Variants in VRK2 observed in about 807,000 individuals in gnomAD.
VRK2 encodes VRK serine/threonine kinase 2.
Under a neutral mutation model 57.6 loss-of-function variants are expected in VRK2, and 60 were observed. The observed-to-expected ratio is 1.04, with a 90% CI of 0.85 to 1.29. The LOEUF (loss-of-function observed/expected upper bound fraction) is 1.29. VRK2 is among the 50% of genes most tolerant of loss of function. The pLI is 0.00. For synonymous variants in VRK2, 231 were observed against 199.2 expected (o/e 1.16, Z -1.35); for missense variants, 705 against 588.1 (o/e 1.20, Z -2.06).
At chr2:58,085,829 T>G (rs1179139009) in intron 4 of VRK2, among the ~76,000 whole-genome samples, 1 of 151,846 alleles carries the variant, frequency 6.6e-6, no homozygotes, top group African/African-American at 2.4e-5. Context: ...GTTAACTTTA[T>G]TTAAGTGGAT....
chr2:58,109,744 A>G (rs1675283591), intron 7 of VRK2, among the ~76,000 whole-genome samples: 1 of 152,206 alleles, frequency 6.6e-6, no homozygotes, highest in African/African-American at 2.4e-5. Flanking sequence ...TCAGATTACA[A>G]TTCAAGATGA....
chr2:58,086,378 G>C lies in VRK2; in HGVS notation c.296G>C (p.Gly99Ala), dbSNP rs747335639. ...WIERKQLDYL[G>A]IPLFYGSGLT... Reference sequence around the variant, plus strand: ...GAACGCAAACAACTTGATTATTTAGGAATTCCTCTGTTTTATGGATCTGGT... The same window carrying C: ...GAACGCAAACAACTTGATTATTTAGCAATTCCTCTGTTTTATGGATCTGGT... The change falls in exon 5 of 13, where the codon GGA becomes GCA. Residue 99 changes from glycine to alanine, a missense_variant. Physicochemically the swap from Gly to Ala is moderately conservative, Grantham distance 60 (BLOSUM62 0). Coordinates refer to ENST00000340157, the MANE Select transcript of VRK2 (RefSeq NM_006296.7). The C allele has an allele frequency of 6.2e-6, 10 of 1,604,378 alleles. No individual in the cohort carries two copies. The African/African-American group carries it at 6.7e-5, about 11-fold the overall frequency.
chr2:58,031,643 A>C (rs544450070), intron 2 of VRK2, among the ~76,000 whole-genome samples: 1 of 152,246 alleles, frequency 6.6e-6, no homozygotes, highest in East Asian at 1.9e-4. Context: ...ATGATAGCTT[A>C]TATCTTTCCC....
chr2:58,146,194 T>C lies in VRK2; in HGVS notation c.1024-122T>C. 8.1e-6 allele frequency: 7 copies of C among 860,856 alleles called. No homozygotes were observed. In the South Asian group the frequency reaches 1.1e-4, roughly 14 times the overall value. 53.3% of individuals were successfully genotyped at this position (860,856 alleles called of 1,614,324 possible). A position where few individuals can be genotyped will look rare whatever the true frequency, so the allele number is the denominator to read the frequency against. On this transcript the variant is annotated intron_variant, in intron 11 of 12. Coordinates refer to ENST00000340157, the MANE Select transcript of VRK2 (RefSeq NM_006296.7). ...CTGTAATGTCCACTTGCTGCTTTCC[T>C]CTTTATTTCCTTTTTTAAAGCTTGG...
chr2:58,128,558 T>C (rs757998258), intron 8 of VRK2, among the ~76,000 whole-genome samples: 24 of 152,040 alleles, frequency 1.6e-4, no homozygotes, highest in Non-Finnish European at 3.1e-4. Flanking sequence ...TCTTAAACTC[T>C]TGACCTCAGG....
chr2:57,909,253 T>C (rs1297030089), intron 1 of VRK2, among the ~76,000 whole-genome samples: 3 of 152,144 alleles, frequency 2.0e-5, no homozygotes, highest in African/African-American at 7.2e-5. Flanking sequence ...CTTAAAACTA[T>C]CACCAGTCCA....
At chr2:58,104,278 A>G (rs900305089) in intron 7 of VRK2, among the ~76,000 whole-genome samples, 2 of 151,738 alleles carry the variant, frequency 1.3e-5, no homozygotes, top group African/African-American at 2.4e-5. Flanking sequence ...AATTATCTCT[A>G]TTTGCCAACA....
intron 1 of VRK2, chr2:58,048,404 T>C: frequency 2.2e-6 from 1 of 457,510 alleles, no homozygotes; most frequent in Non-Finnish European, 3.6e-6. Context: ...CCTGTGTTCT[T>C]TTCTAGTGAC....
intron 1 of VRK2, among the ~76,000 whole-genome samples, chr2:58,020,661 G>A (rs1312925143): frequency 6.6e-6 from 1 of 152,242 alleles, no homozygotes; most frequent in Non-Finnish European, 1.5e-5. Context: ...AGGCTCATAA[G>A]AAATTGTGGA....
intron 1 of VRK2, among the ~76,000 whole-genome samples, chr2:58,013,000 G>A (rs990160566): frequency 1.3e-5 from 2 of 152,132 alleles, no homozygotes; most frequent in Non-Finnish European, 2.9e-5. Context: ...CTTGGAAGAA[G>A]GAGGCTTGTA....
chr2:58,062,897 A>C (rs1326506681), intron 2 of VRK2, among the ~76,000 whole-genome samples: 2 of 152,136 alleles, frequency 1.3e-5, no homozygotes, highest in South Asian at 2.1e-4. Flanking sequence ...ACAAATTTTC[A>C]GTGTAAATGA....
At chr2:57,961,340 G>T (rs1671751801) in intron 1 of VRK2, among the ~76,000 whole-genome samples, 1 of 152,184 alleles carries the variant, frequency 6.6e-6, no homozygotes, top group South Asian at 2.1e-4. Flanking sequence ...TGAGATGAGA[G>T]CATGCTTGGC....
chr2:57,980,821 A>G (rs1672400450), intron 1 of VRK2, among the ~76,000 whole-genome samples: 1 of 152,012 alleles, frequency 6.6e-6, no homozygotes, highest in South Asian at 2.1e-4. Context: ...GTTGGTTTCA[A>G]GTCTGTTTTG....
chr2:57,911,780 A>T (rs1669993794), intron 1 of VRK2, among the ~76,000 whole-genome samples: 1 of 152,208 alleles, frequency 6.6e-6, no homozygotes, highest in Non-Finnish European at 1.5e-5. Flanking sequence ...TGAAAATCAG[A>T]CCAAACCAGA....
intron 1 of VRK2, among the ~76,000 whole-genome samples, chr2:58,007,378 T>C (rs1006481364): frequency 2.0e-5 from 3 of 151,862 alleles, no homozygotes; most frequent in African/African-American, 7.3e-5. Flanking sequence ...TCAAGCTGCA[T>C]AGGTCCACTT....
At chr2:57,968,203 C>T (rs975834934) in intron 1 of VRK2, among the ~76,000 whole-genome samples, 11 of 151,752 alleles carry the variant, frequency 7.2e-5, no homozygotes, top group African/African-American at 2.7e-4. Flanking sequence ...AAAAAAATTA[C>T]CTTTAGTATG....
At position 58,080,544 on chromosome 2, in the gene VRK2, A is replaced by G. The variant is rs559489767; in HGVS notation, c.137-3545A>G. Among the ~76,000 whole-genome samples, 174 of 151,934 alleles carry G rather than the reference A, an allele frequency of 1.1e-3. 1 individual carries two copies. Among genetic ancestry groups the G allele is most frequent in the African/African-American group, 4.0e-3 (166 of 41,524 alleles). ...CATGTATTTTGAATTACATTTTTAG[A>G]TGATTTCAAGTTCATAATTATTATC... On this transcript the variant is annotated intron_variant, in intron 2 of 12. Transcript: ENST00000340157.
intron 2 of VRK2, among the ~76,000 whole-genome samples, chr2:58,061,777 A>C (rs571490820): frequency 6.6e-6 from 1 of 152,162 alleles, no homozygotes; most frequent in Non-Finnish European, 1.5e-5. Context: ...TCAATAAGAA[A>C]TTGTAAATAT....
chr2:58,090,694 G>C (rs1672256505), intron 7 of VRK2, among the ~76,000 whole-genome samples: 1 of 152,162 alleles, frequency 6.6e-6, no homozygotes, highest in Non-Finnish European at 1.5e-5. Context: ...CCAAGCAGCA[G>C]TTGTGCTCAT....
Sources: allele counts gnomAD v4.1 joint callset (sites outside exome capture counted in the v4.1 genomes callset), GRCh38; gene constraint gnomAD v4.1.1; transcripts MANE v1.5; gene names NCBI Gene and HGNC (gene_info 2026-07-23, HGNC 2026-07-21).